The following DOCK7 variants were observed in gnomAD, a reference collection of about 807,000 sequenced individuals.
DOCK7 encodes the protein dedicator of cytokinesis 7, also known as dedicator of cytokinesis protein 7.
In DOCK7, 138 loss-of-function variants were observed where a neutral mutation model predicts 271.0. The ratio of observed to expected loss-of-function variants is 0.51; its 90% CI spans 0.44 to 0.59. The LOEUF (loss-of-function observed/expected upper bound fraction) is 0.59. Ranked by LOEUF, DOCK7 falls within the 20% of genes least tolerant of loss-of-function variation. DOCK7 has a pLI of 0.00. For missense variants in DOCK7, 2,066 were observed against 2,592.4 expected (o/e 0.80, Z 4.41); for synonymous variants, 823 against 876.1 (o/e 0.94, Z 1.07).
At chr1:62,578,591 G>A (rs186327237) in intron 17 of DOCK7, among the ~76,000 whole-genome samples, 3 of 151,702 alleles carry the variant, frequency 2.0e-5, no homozygotes, top group East Asian at 1.9e-4. Flanking sequence ...ACATGGTGGC[G>A]GGCACCTGTA....
At chr1:62,587,772 T>C (rs891757536) in intron 14 of DOCK7, among the ~76,000 whole-genome samples, 9 of 152,136 alleles carry the variant, frequency 5.9e-5, no homozygotes, top group African/African-American at 2.2e-4. Context: ...GAGCAGGATG[T>C]ATAGTAACAT....
At chr1:62,641,212 T>C in intron 7 of DOCK7, 1 of 385,826 alleles carries the variant, frequency 2.6e-6, no homozygotes, top group Non-Finnish European at 5.0e-6. Context: ...TCATGAGCTG[T>C]CTTTTCTTCC....
chr1:62,672,748 A>G (rs1660151313), intron 1 of DOCK7, among the ~76,000 whole-genome samples: 1 of 152,128 alleles, frequency 6.6e-6, no homozygotes, highest in Admixed American at 6.5e-5. Flanking sequence ...TTTTAGATAC[A>G]TTTCAAAAAT....
intron 1 of DOCK7, among the ~76,000 whole-genome samples, chr1:62,678,386 G>A (rs1660754531): frequency 6.6e-6 from 1 of 152,126 alleles, no homozygotes; most frequent in South Asian, 2.1e-4. Flanking sequence ...CAAGAGTTTA[G>A]CAAGGTATAG....
chr1:62,496,212 A>T, intron 38 of DOCK7, 127 bp downstream of exon 38: 5 of 993,236 alleles, frequency 5.0e-6, no homozygotes, highest in Non-Finnish European at 7.6e-6. Flanking sequence ...TCTATGGCAC[A>T]TGATGTGTGG....
chr1:62,565,958 A>G (rs1571567688), intron 18 of DOCK7, among the ~76,000 whole-genome samples: 1 of 152,146 alleles, frequency 6.6e-6, no homozygotes, highest in Admixed American at 6.5e-5. Context: ...CACAATTGCT[A>G]CAAAGAGAAT....
At chr1:62,503,305 A>T (rs1489921487) in intron 37 of DOCK7, among the ~76,000 whole-genome samples, 1 of 152,088 alleles carries the variant, frequency 6.6e-6, no homozygotes, top group Non-Finnish European at 1.5e-5. Flanking sequence ...TTCCTTTTTA[A>T]AGTTTTTTTG....
At position 62,636,501 on chromosome 1, in the gene DOCK7, A is replaced by T. The variant is rs200757286; in HGVS notation, c.885+36T>A. ...AAACAGGTTTCTGAAACCAATGATTATGACAAATAACTATGGTCAAATTAT... is the reference window on the plus strand; with the variant it reads ...AAACAGGTTTCTGAAACCAATGATTTTGACAAATAACTATGGTCAAATTAT... On this transcript the variant is annotated intron_variant, in intron 8 of 49. Coordinates refer to ENST00000635253, the MANE Select transcript of DOCK7 (RefSeq NM_001367561.1). The T allele has an allele frequency of 1.1e-5, 16 of 1,500,840 alleles. No individual in the cohort carries two copies. In the East Asian group the frequency reaches 3.7e-4, roughly 34 times the overall value. 93.0% of individuals were successfully genotyped at this position (1,500,840 alleles called of 1,614,324 possible).
At chr1:62,595,653 G>C (rs1425989277) in intron 14 of DOCK7, among the ~76,000 whole-genome samples, 1 of 152,182 alleles carries the variant, frequency 6.6e-6, no homozygotes, top group East Asian at 1.9e-4. Context: ...TTAGGGACGA[G>C]CACAGTGGCT....
chr1:62,457,471 T>C, intron 49 of DOCK7, 67 bp downstream of exon 49: 1 of 1,474,042 alleles, frequency 6.8e-7, no homozygotes, highest in Non-Finnish European at 9.3e-7. Context: ...GTAAAAAGAC[T>C]TCTACTAGTT....
intron 40 of DOCK7, among the ~76,000 whole-genome samples, chr1:62,493,744 A>C (rs1646534006): frequency 6.6e-6 from 1 of 152,170 alleles, no homozygotes; most frequent in Non-Finnish European, 1.5e-5. Flanking sequence ...AATATCTCAA[A>C]CCTACTATTA....
At chr1:62,571,719 G>A (rs1278654472) in intron 18 of DOCK7, among the ~76,000 whole-genome samples, 3 of 152,162 alleles carry the variant, frequency 2.0e-5, no homozygotes, top group Non-Finnish European at 4.4e-5. Context: ...ATACTACGCA[G>A]CAATAAAAAG....
chr1:62,618,117 A>G (rs1022464775), intron 14 of DOCK7, among the ~76,000 whole-genome samples: 3 of 152,102 alleles, frequency 2.0e-5, no homozygotes, highest in African/African-American at 7.2e-5. Context: ...AATAAAGGGT[A>G]TATCATTCAT....
chr1:62,642,570 A>T (rs1420990736), intron 7 of DOCK7, among the ~76,000 whole-genome samples: 4 of 152,114 alleles, frequency 2.6e-5, no homozygotes, highest in Non-Finnish European at 4.4e-5. Context: ...TTAAAATATC[A>T]ATATCTTTAT....
chr1:62,597,572 C>T, intron 14 of DOCK7: 1 of 1,612,200 alleles, frequency 6.2e-7, no homozygotes, highest in Non-Finnish European at 8.5e-7. Context: ...TAAAAATGTT[C>T]ACAATTAAGC....
chr1:62,455,548 C>T, intron 49 of DOCK7, 92 bp from the exon 50 acceptor site: 1 of 1,261,300 alleles, frequency 7.9e-7, no homozygotes, highest in Non-Finnish European at 1.1e-6. Flanking sequence ...TGCCAGTTAC[C>T]TTAAAGTTTT....
chr1:62,537,262 A>T (rs1645374544), intron 28 of DOCK7, among the ~76,000 whole-genome samples: 1 of 152,186 alleles, frequency 6.6e-6, no homozygotes, highest in Non-Finnish European at 1.5e-5. Context: ...CATTAAGTCT[A>T]TGAAAGGAAT....
intron 4 of DOCK7, among the ~76,000 whole-genome samples, chr1:62,652,505 G>C (rs1657510167): frequency 6.6e-6 from 1 of 152,008 alleles, no homozygotes; most frequent in African/African-American, 2.4e-5. Context: ...CTCTGAGCCT[G>C]AGCCACCTTA....
chr1:62,506,337 T>C (rs926388174), intron 35 of DOCK7, among the ~76,000 whole-genome samples: 1 of 152,240 alleles, frequency 6.6e-6, no homozygotes, highest in Non-Finnish European at 1.5e-5. Flanking sequence ...ACTCTGTCCC[T>C]GCTGTTTCTT....
Sources: gnomAD v4.1 joint callset for allele counts (sites outside exome capture counted in the v4.1 genomes callset) on GRCh38, gnomAD v4.1.1 for gene constraint, MANE v1.5 for transcripts, NCBI Gene and HGNC (gene_info 2026-07-23, HGNC 2026-07-21) for gene names.